The following LPP variants were observed in gnomAD, a reference collection of about 807,000 sequenced individuals.
LPP encodes LIM domain containing preferred translocation partner in lipoma, also known as lipoma-preferred partner.
A neutral mutation model predicts 60.4 loss-of-function variants in LPP; 38 were observed. The observed-to-expected ratio is 0.63, with a 90% CI of 0.49 to 0.83. The LOEUF is 0.83. Ranked by LOEUF, LPP falls within the 40% of genes least tolerant of loss-of-function variation. LPP has a pLI of 0.00. For synonymous variants in LPP, 328 were observed against 290.8 expected (o/e 1.13, Z -1.30); for missense variants, 902 against 783.6 (o/e 1.15, Z -1.80).
intron 3 of LPP, among the ~76,000 whole-genome samples, chr3:188,402,797 T>A (rs1782551801): frequency 6.6e-6 from 1 of 152,210 alleles, no homozygotes; most frequent in African/African-American, 2.4e-5. Flanking sequence ...TCTTGTGGAT[T>A]GTTATAAGTA....
chr3:188,648,281 A>G (rs1851464343), intron 7 of LPP, among the ~76,000 whole-genome samples: 1 of 152,138 alleles, frequency 6.6e-6, no homozygotes. Context: ...TCTTTTCACC[A>G]CTAGCAAAGG....
At chr3:188,436,166 A>G (rs1021754838) in intron 4 of LPP, among the ~76,000 whole-genome samples, 1 of 151,952 alleles carries the variant, frequency 6.6e-6, no homozygotes, top group African/African-American at 2.4e-5. Context: ...ACTAAAATGA[A>G]ATATCTAGAG....
intron 3 of LPP, among the ~76,000 whole-genome samples, chr3:188,391,171 G>T (rs114242685): frequency 0.01 from 1,534 of 151,272 alleles, 30 homozygotes; most frequent in African/African-American, 0.036. Flanking sequence ...CTAGCCCCCT[G>T]GGTTAGAAAA....
chr3:188,581,253 C>G (rs980096621), intron 6 of LPP, among the ~76,000 whole-genome samples: 2 of 151,830 alleles, frequency 1.3e-5, no homozygotes, highest in Non-Finnish European at 2.9e-5. Context: ...CCAGCATTGT[C>G]GTTGGAGATG....
At chr3:188,745,279 A>G (rs1238553731) in intron 8 of LPP, among the ~76,000 whole-genome samples, 3 of 152,188 alleles carry the variant, frequency 2.0e-5, no homozygotes, top group East Asian at 3.8e-4. Context: ...CCTGATGTCT[A>G]GTAAGCACTT....
At position 188,374,673 on chromosome 3, in the gene LPP, T is replaced by C. The variant is rs1453799036; in HGVS notation, c.-9-31439T>C. On this transcript the variant is annotated intron_variant, in intron 3 of 11. Transcript: ENST00000617246. ...GCAAACAGGGCCAATTTGACTTCCT[T>C]TTTTCCTAATTTAATACCCTTTATT... 3.3e-5 allele frequency among the ~76,000 whole-genome samples: 5 copies of C among 152,254 alleles called. No individual in the cohort carries two copies. The East Asian group carries it at 5.8e-4, about 18-fold the overall frequency.
intron 8 of LPP, among the ~76,000 whole-genome samples, chr3:188,731,855 T>A (rs1458185073): frequency 6.6e-6 from 1 of 152,194 alleles, no homozygotes; most frequent in East Asian, 1.9e-4. Context: ...TCTAGGCTCC[T>A]CCTTTCTTCC....
chr3:188,788,367 G>A (rs1742586976), intron 9 of LPP, among the ~76,000 whole-genome samples: 1 of 152,176 alleles, frequency 6.6e-6, no homozygotes, highest in Admixed American at 6.5e-5. Flanking sequence ...GATGGAATGT[G>A]TAGCTTTCCC....
intron 4 of LPP, among the ~76,000 whole-genome samples, chr3:188,421,787 C>T (rs1343397901): frequency 6.6e-6 from 1 of 152,096 alleles, no homozygotes; most frequent in Non-Finnish European, 1.5e-5. Flanking sequence ...CACATCGATA[C>T]AACCAATAAT....
At chr3:188,213,642 T>C (rs1387581942) in intron 1 of LPP, among the ~76,000 whole-genome samples, 3 of 152,110 alleles carry the variant, frequency 2.0e-5, no homozygotes, top group African/African-American at 7.2e-5. Flanking sequence ...ATGAGGCTCT[T>C]TTCTTTTCTT....
chr3:188,602,164 A>AATATAAATATAATAT (rs1841404890), intron 6 of LPP, among the ~76,000 whole-genome samples: 3 of 98,910 alleles, frequency 3.0e-5, no homozygotes, highest in African/African-American at 1.1e-4. Context: ...ATATATATAT[A>AATATAAATATAATAT]ATATATATAT....
At chr3:188,619,899 A>C (rs1845504230) in intron 7 of LPP, among the ~76,000 whole-genome samples, 1 of 152,216 alleles carries the variant, frequency 6.6e-6, no homozygotes, top group Non-Finnish European at 1.5e-5. Context: ...CTATGTGCAG[A>C]GTAGGTTCTA....
intron 9 of LPP, among the ~76,000 whole-genome samples, chr3:188,765,146 T>C (rs770143705): frequency 5.9e-5 from 9 of 152,150 alleles, no homozygotes; most frequent in Non-Finnish European, 8.8e-5. Context: ...GGCCAGTGCT[T>C]TATGTGGATG....
intron 9 of LPP, among the ~76,000 whole-genome samples, chr3:188,833,580 T>G (rs1257377379): frequency 2.0e-5 from 3 of 152,206 alleles, no homozygotes; most frequent in Non-Finnish European, 4.4e-5. Flanking sequence ...GGTTTGGACA[T>G]GCTTCTCTCT....
At chr3:188,394,582 G>GTGTGTGTGTT (rs1560345813) in intron 3 of LPP, among the ~76,000 whole-genome samples, 1 of 148,574 alleles carries the variant, frequency 6.7e-6, no homozygotes, top group Non-Finnish European at 1.5e-5. Context: ...GTGTGTGTGT[G>GTGTGTGTGTT]TATGTATTTG....
intron 6 of LPP, among the ~76,000 whole-genome samples, chr3:188,544,171 G>T (rs1825929860): frequency 6.6e-6 from 1 of 152,176 alleles, no homozygotes; most frequent in Admixed American, 6.5e-5. Context: ...AGTTGTGGCT[G>T]AACAATGAGT....
chr3:188,755,218 A>T (rs1187367857), intron 8 of LPP, among the ~76,000 whole-genome samples: 2 of 152,198 alleles, frequency 1.3e-5, no homozygotes, highest in African/African-American at 4.8e-5. Context: ...GTAGCAAGGA[A>T]GACATAAAGA....
chr3:188,354,615 T>C (rs1287453794), intron 3 of LPP, among the ~76,000 whole-genome samples: 4 of 152,220 alleles, frequency 2.6e-5, no homozygotes, highest in African/African-American at 7.2e-5. Context: ...AAAATTATAT[T>C]ATTTGAAGTT....
chr3:188,447,015 A>C lies in LPP; in HGVS notation c.194-37577A>C, dbSNP rs144747755. ...TAATTAAGGAGGTTTTTTGAAGTGT[A>C]TGGGCTTCAAAAAGTCTGACATGTG... On this transcript the variant is annotated intron_variant, in intron 4 of 11. Coordinates refer to ENST00000617246, the MANE Select transcript of LPP (RefSeq NM_001375462.1). 4.6e-3 allele frequency among the ~76,000 whole-genome samples: 705 copies of C among 152,292 alleles called. 5 individuals are homozygous for C. Among genetic ancestry groups the C allele is most frequent in the African/African-American group, 0.016 (679 of 41,556 alleles).
Sources: gnomAD v4.1 joint callset for allele counts (sites outside exome capture counted in the v4.1 genomes callset) on GRCh38, gnomAD v4.1.1 for gene constraint, MANE v1.5 for transcripts, NCBI Gene and HGNC (gene_info 2026-07-23, HGNC 2026-07-21) for gene names.